TMEM116: variants seen among roughly 807,000 people sequenced by gnomAD.
The protein encoded by TMEM116 is transmembrane protein 116.
Under a neutral mutation model 44.3 loss-of-function variants are expected in TMEM116, and 38 were observed. That is an observed-to-expected ratio of 0.86 (90% CI 0.66 to 1.12). TMEM116 has a LOEUF of 1.12. TMEM116 is among the 50% of genes most tolerant of loss of function. TMEM116 has a pLI of 0.00. For missense variants in TMEM116, 354 were observed against 401.7 expected, an observed-to-expected ratio of 0.88 and a Z score of 1.01; for synonymous variants, 132 against 144.8, an observed-to-expected ratio of 0.91 and a Z score of 0.64.
At chr12:111,997,699 T>C (rs922150732) in intron 3 of TMEM116, among the ~76,000 whole-genome samples, 1 of 152,146 alleles carries the variant, frequency 6.6e-6, no homozygotes, top group African/African-American at 2.4e-5. Flanking sequence ...ATTTTTCTCA[T>C]ATATTTCTCC....
Position 111,938,135 on chromosome 12 carries a change from G to A in TMEM116, c.365+26C>T, listed in dbSNP as rs372337482. 2.4e-5 allele frequency: 37 copies of A among 1,543,368 alleles called. No individual in the cohort carries two copies. The African/African-American group carries it at 2.6e-4, about 11-fold the overall frequency. Reference sequence around the variant, plus strand: ...CCAGAATAATGAGAGTCTACACCTCGCTAAGAAGTAAAGAAAAAATTTTAC... The same window carrying A: ...CCAGAATAATGAGAGTCTACACCTCACTAAGAAGTAAAGAAAAAATTTTAC... On this transcript the variant is annotated intron_variant, in intron 6 of 10. Transcript: ENST00000552374.
chr12:111,949,370 T>C (rs1339941876), intron 4 of TMEM116, among the ~76,000 whole-genome samples: 1 of 152,212 alleles, frequency 6.6e-6, no homozygotes, highest in East Asian at 1.9e-4. Flanking sequence ...ATTTAAAACA[T>C]TGCTTATATA....
At chr12:111,984,428 G>A (rs997392828) in intron 4 of TMEM116, among the ~76,000 whole-genome samples, 1 of 152,156 alleles carries the variant, frequency 6.6e-6, no homozygotes, top group Non-Finnish European at 1.5e-5. Flanking sequence ...GGGAGGGGTA[G>A]TGGAAAAGTA....
chr12:112,005,210 G>A (rs367739803), intron 2 of TMEM116, 47 bp downstream of exon 2: 9 of 1,300,210 alleles, frequency 6.9e-6, no homozygotes, highest in African/African-American at 4.7e-5. Context: ...CAGAATTGAC[G>A]AACTTTGCTT....
chr12:111,991,793 C>A lies in TMEM116; in HGVS notation c.175G>T (p.Asp59Tyr). The stretch of plus-strand genomic sequence containing the variant: ...GCTTGTAGGTTATAGCAGATGATGT[C>A]CTTATTTGCTACTGAAGCTCCATAG... ...LLYGASVANK[D>Y]IICYNLQAVG... The change falls in exon 4 of 11, where the codon GAC becomes TAC. Residue 59 changes from aspartate to tyrosine, a missense_variant. Coordinates refer to ENST00000552374, the MANE Select transcript of TMEM116 (RefSeq NM_001193531.2). 6.5e-7 allele frequency: 1 copy of A among 1,535,542 alleles called. No individual in the cohort carries two copies. Among genetic ancestry groups the A allele is most frequent in the South Asian group, 1.2e-5 (1 of 84,022 alleles).
chr12:112,002,919 T>C (rs1219505449), intron 3 of TMEM116, among the ~76,000 whole-genome samples: 4 of 152,206 alleles, frequency 2.6e-5, no homozygotes, highest in African/African-American at 7.2e-5. Context: ...TTGTTATATT[T>C]CTCTTAAGAT....
chr12:111,950,301 G>A (rs1439140163), intron 4 of TMEM116, among the ~76,000 whole-genome samples: 2 of 152,014 alleles, frequency 1.3e-5, no homozygotes, highest in African/African-American at 4.8e-5. Context: ...CCTTTATGCT[G>A]TGGACATCTT....
chr12:111,967,225 G>A (rs932798167), intron 4 of TMEM116, among the ~76,000 whole-genome samples: 21 of 152,034 alleles, frequency 1.4e-4, no homozygotes, highest in African/African-American at 4.6e-4. Flanking sequence ...CAACTTCCTC[G>A]AAATCATACA....
At chr12:111,971,918 A>G (rs1420371963) in intron 4 of TMEM116, among the ~76,000 whole-genome samples, 1 of 152,030 alleles carries the variant, frequency 6.6e-6, no homozygotes, top group East Asian at 1.9e-4. Context: ...CTCTACAAAA[A>G]AAATATTTTA....
chr12:111,959,927 C>T (rs965549937), intron 4 of TMEM116, among the ~76,000 whole-genome samples: 2 of 151,978 alleles, frequency 1.3e-5, no homozygotes, highest in Admixed American at 6.6e-5. Context: ...ACCCCACTGT[C>T]GATATTAGAT....
intron 4 of TMEM116, among the ~76,000 whole-genome samples, chr12:111,981,432 T>C (rs2075933452): frequency 6.6e-6 from 1 of 152,216 alleles, no homozygotes; most frequent in African/African-American, 2.4e-5. Context: ...CTGTTGCAGG[T>C]TGTTAGTGCC....
chr12:111,993,943 G>A (rs766237316), intron 3 of TMEM116: 19 of 652,388 alleles, frequency 2.9e-5, no homozygotes, highest in Non-Finnish European at 5.0e-5. Context: ...CATTATGACT[G>A]GTACTCTGAC....
intron 4 of TMEM116, among the ~76,000 whole-genome samples, chr12:111,990,498 A>C (rs1224000202): frequency 6.6e-6 from 1 of 152,226 alleles, no homozygotes; most frequent in Admixed American, 6.5e-5. Flanking sequence ...GACTGAGCAA[A>C]GTATGACTCT....
chr12:111,957,054 T>A (rs2074164648), intron 4 of TMEM116, among the ~76,000 whole-genome samples: 1 of 150,922 alleles, frequency 6.6e-6, no homozygotes, highest in South Asian at 2.1e-4. Flanking sequence ...CACCACCCCG[T>A]CTAGGAAGTG....
At chr12:111,943,446 T>C in intron 4 of TMEM116, 77 bp from the exon 5 acceptor site, 6 of 1,053,486 alleles carry the variant, frequency 5.7e-6, no homozygotes, top group South Asian at 1.3e-5. Context: ...ACTTCATTAT[T>C]TTCTATTATG....
At chr12:111,945,299 G>C (rs1306441459) in intron 4 of TMEM116, among the ~76,000 whole-genome samples, 1 of 128,602 alleles carries the variant, frequency 7.8e-6, no homozygotes, top group African/African-American at 3.1e-5. Flanking sequence ...AGCCGAGATC[G>C]AGCCATTGCA....
chr12:112,000,608 T>TTA (rs2077199371), intron 3 of TMEM116: 4 of 345,738 alleles, frequency 1.2e-5, no homozygotes, highest in Non-Finnish European at 2.3e-5. Context: ...CTTACTGCAG[T>TTA]CTTACTTACT....
chr12:111,956,681 T>C lies in TMEM116; in HGVS notation c.211-13312A>G, dbSNP rs1262387023. On this transcript the variant is annotated intron_variant, in intron 4 of 10. Transcript: ENST00000552374. ...GGTGCGCGCCGCCACACCTGACTGG[T>C]TTTCGTATTTTTTGGTGGAGACGGG... 3.9e-5 allele frequency among the ~76,000 whole-genome samples: 6 copies of C among 152,086 alleles called. No individual in the cohort carries two copies. In the East Asian group the frequency reaches 1.2e-3, roughly 29 times the overall value.
chr12:111,956,594 G>A (rs1027737559), intron 4 of TMEM116, among the ~76,000 whole-genome samples: 6 of 152,040 alleles, frequency 3.9e-5, no homozygotes, highest in Non-Finnish European at 8.8e-5. Context: ...CCGCCATCTC[G>A]GCTCACTGCA....
Sources: allele counts gnomAD v4.1 joint callset (sites outside exome capture counted in the v4.1 genomes callset), GRCh38; gene constraint gnomAD v4.1.1; transcripts MANE v1.5; gene names NCBI Gene and HGNC (gene_info 2026-07-23, HGNC 2026-07-21).